The following ANKRD17 variants were observed in gnomAD, a reference collection of about 807,000 sequenced individuals.
The protein encoded by ANKRD17 is ankyrin repeat domain-containing protein 17.
A neutral mutation model predicts 229.7 loss-of-function variants in ANKRD17; 19 were observed. The observed-to-expected ratio is 0.08, with a 90% CI of 0.06 to 0.12. The LOEUF (loss-of-function observed/expected upper bound fraction) is 0.12. Ranked by LOEUF, ANKRD17 falls within the 10% of genes least tolerant of loss-of-function variation. ANKRD17 has a pLI of 1.00. For synonymous variants in ANKRD17, 1,112 were observed against 1,146.1 expected (o/e 0.97, Z 0.60); for missense variants, 2,176 against 3,176.8 (o/e 0.68, Z 7.57).
chr4:73,127,642 TA>T (rs976372888), intron 16 of ANKRD17, among the ~76,000 whole-genome samples: 20 of 152,186 alleles, frequency 1.3e-4, no homozygotes, highest in Non-Finnish European at 2.8e-4. Context: ...CCTGTAGTGA[TA>T]AATTACTTAG....
chr4:73,177,464 A>C lies in ANKRD17; in HGVS notation c.463T>G (p.Leu155Val), dbSNP rs1341409822. Residue 155 changes from leucine to valine, a missense_variant, in exon 2 of 34, where the codon TTA becomes GTA. Physicochemically the swap from Leu to Val is conservative, Grantham distance 32 (BLOSUM62 1). Transcript: ENST00000358602. ...TCTGCACCATCAGCAGTACCTGATA[A>C]GAGCAACTTGGAAGCTGTTTCCAGC... ...PMLETASKLL[L>V]SGTADGADLR... The C allele has an allele frequency of 6.2e-7, 1 of 1,613,878 alleles. No individual in the cohort carries two copies. The highest frequency in any genetic ancestry group is 1.1e-5 in the South Asian group (1 of 91,058).
chr4:73,218,635 T>A (rs1223842606), intron 1 of ANKRD17, among the ~76,000 whole-genome samples: 9 of 133,088 alleles, frequency 6.8e-5, no homozygotes, highest in Non-Finnish European at 1.4e-4. Flanking sequence ...AGAGTGAGAC[T>A]CTGTCTCAAA....
Position 73,244,894 on chromosome 4 carries a change from C to T in ANKRD17, c.393+13382G>A, listed in dbSNP as rs537384325. Among the ~76,000 whole-genome samples, 30 of 152,218 alleles carry T rather than the reference C, an allele frequency of 2.0e-4. No homozygotes were observed. The South Asian group carries it at 5.8e-3, about 29-fold the overall frequency. ...ATAATTGGAAGGGCACATCATATGC[C>T]TACTAAGTTTGTAGTTCTAAGAAAA... On this transcript the variant is annotated intron_variant, in intron 1 of 33. Coordinates refer to ENST00000358602, the MANE Select transcript of ANKRD17 (RefSeq NM_032217.5).
chr4:73,161,397 A>G, intron 2 of ANKRD17, 49 bp from the exon 3 acceptor site: 1 of 1,589,480 alleles, frequency 6.3e-7, no homozygotes, highest in Non-Finnish European at 8.6e-7. Context: ...AAGGAGAAAC[A>G]AAGCAAAATT....
At chr4:73,156,583 C>A (rs572155461) in intron 3 of ANKRD17, among the ~76,000 whole-genome samples, 4 of 152,170 alleles carry the variant, frequency 2.6e-5, no homozygotes, top group South Asian at 2.1e-4. Context: ...TGAGTGAGTT[C>A]TCATGATATC....
chr4:73,213,369 A>G (rs529275008), intron 1 of ANKRD17, among the ~76,000 whole-genome samples: 1 of 152,236 alleles, frequency 6.6e-6, no homozygotes, highest in Non-Finnish European at 1.5e-5. Flanking sequence ...ATATCTGGAC[A>G]ACCTGCAGCA....
chr4:73,253,398 G>A (rs1745197328), intron 1 of ANKRD17, among the ~76,000 whole-genome samples: 1 of 152,186 alleles, frequency 6.6e-6, no homozygotes, highest in East Asian at 1.9e-4. Flanking sequence ...ATTGAATAAT[G>A]AAAGAAATAT....
chr4:73,144,565 T>G (rs1730010969), intron 11 of ANKRD17, among the ~76,000 whole-genome samples, 180 bp downstream of exon 11: 1 of 152,176 alleles, frequency 6.6e-6, no homozygotes, highest in Non-Finnish European at 1.5e-5. Context: ...TATTTCTAGT[T>G]TGAAGCTGGT....
rs866444347 is a variant in ANKRD17, at chr4:73,086,931, T to A, written c.6962-1485A>T. Reference sequence around the variant, plus strand: ...AAAAAAAAAAAAAAATATATATATATATATATATATATATATATATATCTG... The same window carrying A: ...AAAAAAAAAAAAAAATATATATATAAATATATATATATATATATATATCTG... On this transcript the variant is annotated intron_variant, in intron 29 of 33. Transcript: ENST00000358602. Among the ~76,000 whole-genome samples, 264 of 59,414 alleles carry A rather than the reference T, an allele frequency of 4.4e-3. 3 individuals carry two copies. The highest frequency in any genetic ancestry group is 0.017 in the East Asian group (29 of 1,688). 39.0% of individuals were successfully genotyped at this position (59,414 alleles called of 152,430 possible). A position where few individuals can be genotyped will look rare whatever the true frequency, so the allele number is the denominator to read the frequency against.
chr4:73,102,303 G>C (rs1469937090), intron 25 of ANKRD17, 73 bp downstream of exon 25: 2 of 1,446,786 alleles, frequency 1.4e-6, no homozygotes, highest in Non-Finnish European at 9.3e-7. Flanking sequence ...ATTTTCAAGA[G>C]TGACTGATAA....
chr4:73,124,932 C>A lies in ANKRD17; in HGVS notation c.3473G>T (p.Cys1158Phe). 1 of 1,614,078 alleles carries A rather than the reference C, an allele frequency of 6.2e-7. No homozygotes were observed. Among genetic ancestry groups the A allele is most frequent in the Non-Finnish European group, 8.5e-7 (1 of 1,179,992 alleles). ...RTKDTPLSLA[C>F]SGGRQEVVEL... ...CATTACCTCCTGTCTTCCCCCAGAACAAGCCAAGGAGAGTGGTGTGTCCTT... is the reference window on the plus strand; with the variant it reads ...CATTACCTCCTGTCTTCCCCCAGAAAAAGCCAAGGAGAGTGGTGTGTCCTT... Residue 1158 changes from cysteine (C) to phenylalanine (F), a missense_variant, in exon 18 of 34, where the codon TGT (cysteine) becomes TTT (phenylalanine). This residue lies in a region of ANKRD17 where 178 missense variants were observed against 421.7 expected (regional missense o/e 0.42). Transcript: ENST00000358602.
intron 1 of ANKRD17, among the ~76,000 whole-genome samples, chr4:73,238,474 C>T (rs1188493331): frequency 6.6e-6 from 1 of 152,052 alleles, no homozygotes; most frequent in African/African-American, 2.4e-5. Context: ...AAATCCATCC[C>T]AAGATTAATC....
intron 30 of ANKRD17, among the ~76,000 whole-genome samples, chr4:73,082,910 TAA>T (rs1489802466): frequency 6.6e-6 from 1 of 152,184 alleles, no homozygotes; most frequent in Non-Finnish European, 1.5e-5. Context: ...ATATAAAATG[TAA>T]AGTTTGCTGA....
chr4:73,238,144 A>C (rs138639251), intron 1 of ANKRD17, among the ~76,000 whole-genome samples: 1 of 151,918 alleles, frequency 6.6e-6, no homozygotes, highest in Non-Finnish European at 1.5e-5. Context: ...AAGACTCTCT[A>C]TTTTTATTCA....
At chr4:73,163,510 T>C in intron 2 of ANKRD17, among the ~76,000 whole-genome samples, 1 of 152,214 alleles carries the variant, frequency 6.6e-6, no homozygotes, top group East Asian at 1.9e-4. Context: ...AACAAACTAG[T>C]TAACTAAGAA....
At position 73,177,538 on chromosome 4, in the gene ANKRD17, A is replaced by G. The variant is rs199745171; in HGVS notation, c.394-5T>C. On this transcript the variant is annotated splice_polypyrimidine_tract_variant and splice_region_variant and intron_variant, in intron 1 of 33. Transcript: ENST00000358602. ...ATCCAAAATGAAAGACTCCACCTAT[A>G]AAACAAATGCAAAAAGAGGGAGGAA... is the stretch of plus-strand genomic sequence containing the variant. 1.2e-5 allele frequency: 19 copies of G among 1,605,164 alleles called. No individual in the cohort carries two copies. Among genetic ancestry groups the G allele is most frequent in the Non-Finnish European group, 1.5e-5 (18 of 1,173,744 alleles).
chr4:73,224,543 G>A (rs1043582340), intron 1 of ANKRD17, among the ~76,000 whole-genome samples: 3 of 152,082 alleles, frequency 2.0e-5, no homozygotes, highest in African/African-American at 7.2e-5. Flanking sequence ...TACCCATACT[G>A]TGTCAAGCAA....
intron 26 of ANKRD17, 125 bp from the exon 27 acceptor site, chr4:73,097,397 T>C (rs1476450905): frequency 2.6e-6 from 2 of 771,850 alleles, no homozygotes; most frequent in Non-Finnish European, 2.0e-6. Context: ...ACCTTATTTT[T>C]CACTTCTCCT....
intron 1 of ANKRD17, among the ~76,000 whole-genome samples, chr4:73,188,155 T>A (rs1223986483): frequency 6.6e-6 from 1 of 151,436 alleles, no homozygotes; most frequent in Non-Finnish European, 1.5e-5. Context: ...AACTTAGCTA[T>A]AAGATGACGA....
Sources: allele counts gnomAD v4.1 joint callset (sites outside exome capture counted in the v4.1 genomes callset), GRCh38; gene constraint gnomAD v4.1.1; regional missense constraint gnomAD v4.1.1; transcripts MANE v1.5; gene names NCBI Gene and HGNC (gene_info 2026-07-23, HGNC 2026-07-21).